The following ICOS variants were observed in gnomAD, a reference collection of about 807,000 sequenced individuals.
ICOS encodes the protein inducible T cell costimulator.
In ICOS, 15 loss-of-function variants were observed where a neutral mutation model predicts 24.6. That is an observed-to-expected ratio of 0.61 (90% CI 0.41 to 0.94). The LOEUF (loss-of-function observed/expected upper bound fraction) is 0.94, where lower values mean the gene tolerates loss of function less well. ICOS is among the 40% of genes least tolerant of loss of function. The pLI, the probability that ICOS is intolerant of heterozygous loss-of-function variation, is 0.00. For missense variants in ICOS, 200 were observed against 233.0 expected (o/e 0.86, Z 0.92); for synonymous variants, 89 against 77.5 (o/e 1.15, Z -0.78).
chr2:203,948,917 T>A (rs935477857), intron 1 of ICOS, among the ~76,000 whole-genome samples: 2 of 152,156 alleles, frequency 1.3e-5, no homozygotes, highest in Non-Finnish European at 2.9e-5. Context: ...TGGTGTAGTG[T>A]GTGACTGGTA....
intron 1 of ICOS, among the ~76,000 whole-genome samples, chr2:203,941,898 A>G (rs1046592838): frequency 1.3e-5 from 2 of 152,204 alleles, no homozygotes; most frequent in African/African-American, 2.4e-5. Flanking sequence ...AAAACAGGTA[A>G]AGATTTGCAA....
intron 1 of ICOS, among the ~76,000 whole-genome samples, chr2:203,952,277 CAT>C (rs1184316432): frequency 2.6e-5 from 4 of 152,178 alleles, no homozygotes; most frequent in Non-Finnish European, 4.4e-5. Flanking sequence ...GAAATCAAAA[CAT>C]GTATACTTCA....
intron 1 of ICOS, among the ~76,000 whole-genome samples, chr2:203,950,384 C>A (rs908166060): frequency 9.2e-5 from 14 of 152,124 alleles, no homozygotes; most frequent in African/African-American, 3.1e-4. Flanking sequence ...CCTGTGATAA[C>A]CTATTAATCT....
rs187009398 is a variant in ICOS at position 203,943,806 on chromosome 2, A to G, written c.58+6934A>G. Among the ~76,000 whole-genome samples the G allele has an allele frequency of 1.1e-3, 167 of 152,246 alleles. 1 individual carries two copies. The highest frequency in any genetic ancestry group is 3.8e-3 in the African/African-American group (157 of 41,544). On this transcript the variant is annotated intron_variant, in intron 1 of 4. Transcript: ENST00000316386. ...GTCTGAGCTCAGACTCTCCTTGGGC[A>G]GGTCTTGCTGTGGCTGCTGTGGGGG... is the stretch of plus-strand genomic sequence containing the variant.
intron 1 of ICOS, among the ~76,000 whole-genome samples, chr2:203,944,185 A>G (rs985233795): frequency 1.3e-5 from 2 of 152,154 alleles, no homozygotes; most frequent in African/African-American, 4.8e-5. Flanking sequence ...TCAAATAGTT[A>G]CAAAGTTCAG....
chr2:203,959,623 T>G lies in ICOS; in HGVS notation c.*24T>G. ...AATATGGAACTCTGGCACCCAGGCATGAAGCACGTTGGCCAGTTTTCCTCA... is the reference window on the plus strand; with the variant it reads ...AATATGGAACTCTGGCACCCAGGCAGGAAGCACGTTGGCCAGTTTTCCTCA... On this transcript the variant is annotated 3_prime_UTR_variant, in exon 5 of 5. Transcript: ENST00000316386. 1 of 1,610,876 alleles carries G rather than the reference T, an allele frequency of 6.2e-7. No homozygotes were observed. The highest frequency in any genetic ancestry group is 1.4e-5 in the African/African-American group (1 of 73,934).
chr2:203,941,540 C>T (rs1689775742), intron 1 of ICOS, among the ~76,000 whole-genome samples: 1 of 152,146 alleles, frequency 6.6e-6, no homozygotes, highest in Non-Finnish European at 1.5e-5. Context: ...TATACTGCTT[C>T]CCTACTCTAA....
At chr2:203,939,494 CAT>C (rs1338960427) in intron 1 of ICOS, among the ~76,000 whole-genome samples, 1 of 152,002 alleles carries the variant, frequency 6.6e-6, no homozygotes. Flanking sequence ...CAACAGGGAC[CAT>C]ATGAGTGATG....
At chr2:203,947,124 T>C (rs1469458738) in intron 1 of ICOS, among the ~76,000 whole-genome samples, 3 of 152,220 alleles carry the variant, frequency 2.0e-5, no homozygotes, top group African/African-American at 4.8e-5. Flanking sequence ...ATCTGCACTA[T>C]AGTGCAATTC....
intron 1 of ICOS, among the ~76,000 whole-genome samples, chr2:203,953,727 A>G (rs950697968): frequency 6.6e-6 from 1 of 152,258 alleles, no homozygotes; most frequent in Non-Finnish European, 1.5e-5. Context: ...TTTACATAAA[A>G]GCAAAATGCT....
At chr2:203,944,200 A>T (rs1689830935) in intron 1 of ICOS, among the ~76,000 whole-genome samples, 1 of 152,202 alleles carries the variant, frequency 6.6e-6, no homozygotes, top group Non-Finnish European at 1.5e-5. Flanking sequence ...GTTCAGCTAG[A>T]GAATTCCTTC....
intron 4 of ICOS, among the ~76,000 whole-genome samples, chr2:203,958,093 C>T (rs1336944259): frequency 6.6e-6 from 1 of 152,106 alleles, no homozygotes; most frequent in Non-Finnish European, 1.5e-5. Flanking sequence ...GGTTTGTAAG[C>T]CACTATTGAA....
At chr2:203,957,124 CT>C (rs1351407525) in intron 3 of ICOS, among the ~76,000 whole-genome samples, 4 of 152,194 alleles carry the variant, frequency 2.6e-5, no homozygotes, top group African/African-American at 9.6e-5. Flanking sequence ...TATGCATGGG[CT>C]GCGAATTTGA....
Position 203,955,026 on chromosome 2 carries a change from G to A in ICOS, c.59-610G>A, listed in dbSNP as rs576102715. ...TTATTTACTCATCAGAAGTACACAT[G>A]GTTCTTGTCAGAGTAGTTTGATCAA... On this transcript the variant is annotated intron_variant, in intron 1 of 4. Coordinates refer to ENST00000316386, the MANE Select transcript of ICOS (RefSeq NM_012092.4). 5.9e-5 allele frequency among the ~76,000 whole-genome samples: 9 copies of A among 151,980 alleles called. No homozygotes were observed. The South Asian group carries it at 1.9e-3, about 32-fold the overall frequency.
intron 1 of ICOS, among the ~76,000 whole-genome samples, chr2:203,953,496 C>T (rs892062136): frequency 2.0e-5 from 3 of 152,164 alleles, no homozygotes; most frequent in African/African-American, 7.2e-5. Context: ...ACAATCAAAT[C>T]ACCCAAATTG....
intron 1 of ICOS, among the ~76,000 whole-genome samples, chr2:203,948,741 T>C (rs1430727862): frequency 6.6e-6 from 1 of 152,222 alleles, no homozygotes; most frequent in Non-Finnish European, 1.5e-5. Flanking sequence ...ATTCTTTAGA[T>C]TGGGTGGCCA....
At chr2:203,941,962 A>G (rs558964102) in intron 1 of ICOS, among the ~76,000 whole-genome samples, 1 of 152,200 alleles carries the variant, frequency 6.6e-6, no homozygotes, top group South Asian at 2.1e-4. Flanking sequence ...CATGTATAAC[A>G]TAATGATGCT....
At chr2:203,947,841 G>A (rs1415959162) in intron 1 of ICOS, among the ~76,000 whole-genome samples, 1 of 152,140 alleles carries the variant, frequency 6.6e-6, no homozygotes, top group African/African-American at 2.4e-5. Context: ...ATTCCTTTTT[G>A]TGATTTTAGT....
In ICOS at chr2:203,957,814, G is replaced by C; in HGVS notation, c.517G>C (p.Val173Leu). The C allele has an allele frequency of 1.9e-6, 3 of 1,612,880 alleles. No homozygotes were observed. The highest frequency in any genetic ancestry group is 2.2e-5 in the South Asian group (2 of 91,054). ...WLTKKKYSSSVHDPNGEYMFM... is the reference protein window; with the variant it reads ...WLTKKKYSSSLHDPNGEYMFM... Reference sequence around the variant, plus strand: ...TTTCTTTCAGAAGTATTCATCCAGTGTGCACGACCCTAACGGTGAATACAT... The same window carrying C: ...TTTCTTTCAGAAGTATTCATCCAGTCTGCACGACCCTAACGGTGAATACAT... The change falls in exon 4 of 5, where the codon GTG (valine) becomes CTG (leucine). Residue 173 changes from valine to leucine, a missense_variant. Physicochemically the swap from Val to Leu is conservative, Grantham distance 32. Transcript: ENST00000316386.
Sources: gnomAD v4.1 joint callset for allele counts (sites outside exome capture counted in the v4.1 genomes callset) on GRCh38, gnomAD v4.1.1 for gene constraint, MANE v1.5 for transcripts, NCBI Gene and HGNC (gene_info 2026-07-23, HGNC 2026-07-21) for gene names.